Variants in STK33 observed in about 807,000 individuals in gnomAD.
STK33 encodes serine/threonine-protein kinase 33.
STK33 carries 52 observed loss-of-function variants against 58.0 expected under a neutral mutation model. That is an observed-to-expected ratio of 0.90 (90% CI 0.72 to 1.13). The LOEUF is 1.13. Ranked by LOEUF, STK33 falls within the 50% of genes most tolerant of loss-of-function variation. The probability of loss-of-function intolerance (pLI) is 0.00; values close to 1 mark genes in which losing one functional copy is unlikely to be tolerated. For missense variants in STK33, 630 were observed against 604.2 expected, an observed-to-expected ratio of 1.04 and a Z score of -0.45; for synonymous variants, 215 against 200.1, an observed-to-expected ratio of 1.07 and a Z score of -0.63.
chr11:8,360,637 C>G, the STK33 span, among the ~76,000 whole-genome samples: 7 of 152,236 alleles, frequency 4.6e-5, no homozygotes, highest in Non-Finnish European at 8.8e-5. Flanking sequence ...GGCTCCTCTT[C>G]CAGGCTCATT....
At chr11:8,395,805 T>A (rs574084609) in intron 15 of STK33, among the ~76,000 whole-genome samples, 1 of 152,260 alleles carries the variant, frequency 6.6e-6, no homozygotes, top group African/African-American at 2.4e-5. Flanking sequence ...ACAGGATATA[T>A]ATTTTAGAAG....
At chr11:8,335,514 G>A in the STK33 span, among the ~76,000 whole-genome samples, 8 of 152,160 alleles carry the variant, frequency 5.3e-5, no homozygotes, top group Non-Finnish European at 1.0e-4. Flanking sequence ...TCTCCTGACA[G>A]CCAGTGTCCT....
At chr11:8,378,411 G>A in the STK33 span, among the ~76,000 whole-genome samples, 14 of 152,150 alleles carry the variant, frequency 9.2e-5, no homozygotes, top group African/African-American at 2.7e-4. Context: ...CCATCTACTC[G>A]GGAGGCTGAG....
chr11:8,402,666 T>C (rs1191066132), intron 15 of STK33, among the ~76,000 whole-genome samples: 3 of 152,296 alleles, frequency 2.0e-5, no homozygotes, highest in Non-Finnish European at 2.9e-5. Flanking sequence ...ATTGAAACCA[T>C]TCCTCTGATG....
At chr11:8,473,376 GTGCCATGTTTACTA>G in intron 5 of STK33, 100 bp from the exon 6 acceptor site, 1 of 715,086 alleles carries the variant, frequency 1.4e-6, no homozygotes, top group Admixed American at 2.7e-5. Context: ...TCTTTAACGT[GTGCCATGTTTACTA>G]TGCACAAGAT....
At chr11:8,388,795 A>G (rs1848578958), downstream of STK33, among the ~76,000 whole-genome samples, 1 of 152,190 alleles carries the variant, frequency 6.6e-6, no homozygotes, top group African/African-American at 2.4e-5. Context: ...CCTTGAGCCC[A>G]GACAATTTCA....
chr11:8,468,795 G>C (rs1036835522), intron 6 of STK33, among the ~76,000 whole-genome samples: 1 of 152,052 alleles, frequency 6.6e-6, no homozygotes. Flanking sequence ...ACTCTCAACT[G>C]TATACAGAGA....
At chr11:8,514,142 C>G (rs985450203) in intron 1 of STK33, among the ~76,000 whole-genome samples, 7 of 152,324 alleles carry the variant, frequency 4.6e-5, no homozygotes, top group African/African-American at 1.7e-4. Context: ...TTGCAAATGA[C>G]AGGATCTCAT....
At chr11:8,373,006 G>A in the STK33 span, among the ~76,000 whole-genome samples, 1 of 152,234 alleles carries the variant, frequency 6.6e-6, no homozygotes, top group Non-Finnish European at 1.5e-5. Context: ...GCTTTGGGCA[G>A]TTGCAGAGTC....
chr11:8,406,791 T>A (rs996382380), intron 15 of STK33, among the ~76,000 whole-genome samples: 1 of 152,142 alleles, frequency 6.6e-6, no homozygotes, highest in East Asian at 1.9e-4. Context: ...GTAAAGACAG[T>A]TTTATTCTTC....
At chr11:8,470,213 T>C (rs1948640362) in intron 6 of STK33, among the ~76,000 whole-genome samples, 1 of 152,230 alleles carries the variant, frequency 6.6e-6, no homozygotes, top group African/African-American at 2.4e-5. Flanking sequence ...AGGTAGATCT[T>C]CTGGATAACT....
At chr11:8,533,011 C>A (rs951357505) in intron 1 of STK33, among the ~76,000 whole-genome samples, 1 of 152,220 alleles carries the variant, frequency 6.6e-6, no homozygotes, top group Non-Finnish European at 1.5e-5. Flanking sequence ...CAGACCAATT[C>A]TGTCATGTTT....
rs1447594114 is a variant in STK33, at chr11:8,401,682, C to A, written c.1345-8972G>T. ...AGAAACTACCATCAGAGTGAACAGG[C>A]AACCTACAGAATGGGAGAAAATTTT... On this transcript the variant is annotated intron_variant, in intron 15 of 15. Transcript: ENST00000687296. Among the ~76,000 whole-genome samples, 4 of 152,154 alleles carry A rather than the reference C, an allele frequency of 2.6e-5. No homozygotes were observed. In the East Asian group the frequency reaches 5.8e-4, roughly 22 times the overall value.
the STK33 span, among the ~76,000 whole-genome samples, chr11:8,368,954 A>T: frequency 6.6e-6 from 1 of 152,164 alleles, no homozygotes; most frequent in African/African-American, 2.4e-5. Context: ...CACAGCTGTT[A>T]CCACCGCAGA....
chr11:8,485,588 C>G (rs1211894198), intron 1 of STK33, among the ~76,000 whole-genome samples: 1 of 152,172 alleles, frequency 6.6e-6, no homozygotes, highest in African/African-American at 2.4e-5. Flanking sequence ...GCAACAATTT[C>G]ATGTAGCTTT....
the STK33 span, among the ~76,000 whole-genome samples, chr11:8,361,266 A>G: frequency 1.1e-4 from 16 of 152,288 alleles, no homozygotes; most frequent in East Asian, 2.7e-3. The surrounding 1 kb of genome is among the most constrained non-coding windows in gnomAD (Gnocchi z 4.8). Context: ...CTTCTTCCCA[A>G]GATGGTCCGG....
chr11:8,412,000 A>G (rs1940334237), intron 15 of STK33, among the ~76,000 whole-genome samples: 2 of 152,112 alleles, frequency 1.3e-5, no homozygotes, highest in African/African-American at 4.8e-5. Context: ...TGACACGGCA[A>G]TGGAAAAGGG....
At chr11:8,343,193 G>T in the STK33 span, among the ~76,000 whole-genome samples, 1 of 152,256 alleles carries the variant, frequency 6.6e-6, no homozygotes, top group Admixed American at 6.5e-5. Context: ...TGAGCATGAG[G>T]GGGCAGCGCC....
At chr11:8,372,278 G>T in the STK33 span, among the ~76,000 whole-genome samples, 1 of 137,668 alleles carries the variant, frequency 7.3e-6, no homozygotes, top group African/African-American at 2.5e-5. Flanking sequence ...AACACCAATC[G>T]GGCCCTTGTA....
Sources: gnomAD v4.1 joint callset for allele counts (sites outside exome capture counted in the v4.1 genomes callset) on GRCh38, gnomAD v4.1.1 for gene constraint, Gnocchi (gnomAD v3.1) non-coding constraint, MANE v1.5 for transcripts, NCBI Gene and HGNC (gene_info 2026-07-23, HGNC 2026-07-21) for gene names.